The following ZNF407 variants were observed in gnomAD, a reference collection of about 807,000 sequenced individuals.
ZNF407 encodes the protein zinc finger protein 407.
ZNF407 carries 17 observed loss-of-function variants against 131.2 expected under a neutral mutation model. That is an observed-to-expected ratio of 0.13 (90% CI 0.09 to 0.19). ZNF407 has a LOEUF of 0.19. Ranked by LOEUF, ZNF407 falls within the 10% of genes least tolerant of loss-of-function variation. The probability of loss-of-function intolerance (pLI) is 1.00; values close to 1 mark genes in which losing one functional copy is unlikely to be tolerated. For missense variants in ZNF407, 2,681 were observed against 2,830.6 expected, an observed-to-expected ratio of 0.95 and a Z score of 1.20; for synonymous variants, 1,156 against 1,062.0, an observed-to-expected ratio of 1.09 and a Z score of -1.72.
Position 74,720,730 on chromosome 18 carries a change from T to G in ZNF407, c.4803-60698T>G, listed in dbSNP as rs183755412. On this transcript the variant is annotated intron_variant, in intron 3 of 8. Coordinates refer to ENST00000299687, the MANE Select transcript of ZNF407 (RefSeq NM_017757.3). ...TTCTTCTGCAAATGAATATCAGATA[T>G]GCAGTTTTGCCAGCATCGTCAATGA... Among the ~76,000 whole-genome samples, 655 of 152,252 alleles carry G rather than the reference T, an allele frequency of 4.3e-3. 3 individuals are homozygous for G. Among genetic ancestry groups the G allele is most frequent in the Non-Finnish European group, 5.3e-3 (360 of 68,014 alleles).
At chr18:74,791,486 G>A (rs1012521016) in intron 4 of ZNF407, among the ~76,000 whole-genome samples, 1 of 152,140 alleles carries the variant, frequency 6.6e-6, no homozygotes, top group African/African-American at 2.4e-5. Flanking sequence ...GCTGGTCAAG[G>A]TGAGATGAGA....
intron 8 of ZNF407, among the ~76,000 whole-genome samples, chr18:74,976,181 C>G (rs949881703): frequency 6.6e-6 from 1 of 152,176 alleles, no homozygotes; most frequent in African/African-American, 2.4e-5. Context: ...GTTGGATAGC[C>G]CCCTTGCAGT....
chr18:74,954,135 T>C lies in ZNF407; in HGVS notation c.5428+33443T>C, dbSNP rs147924924. ...AATATTTTATAACAAAATTTAATGC[T>C]TTCTAAAGGGAAAGAGGCCAGTTTC... On this transcript the variant is annotated intron_variant, in intron 8 of 8. Transcript: ENST00000299687. 2.5e-3 allele frequency among the ~76,000 whole-genome samples: 375 copies of C among 152,338 alleles called. 7 individuals carry two copies. The East Asian group carries it at 0.041, about 16-fold the overall frequency.
At chr18:74,628,879 C>T (rs963507685) in intron 1 of ZNF407, among the ~76,000 whole-genome samples, 13 of 152,084 alleles carry the variant, frequency 8.5e-5, no homozygotes, top group South Asian at 8.3e-4. Context: ...CGTGCCTGGC[C>T]GATACTTCAT....
At chr18:74,693,033 C>T (rs1429650377) in intron 3 of ZNF407, among the ~76,000 whole-genome samples, 1 of 152,246 alleles carries the variant, frequency 6.6e-6, no homozygotes, top group Non-Finnish European at 1.5e-5. Flanking sequence ...CAGCTGTTGA[C>T]TGAGTGCCCT....
chr18:74,990,593 A>G (rs2122136098), intron 8 of ZNF407, among the ~76,000 whole-genome samples: 1 of 152,334 alleles, frequency 6.6e-6, no homozygotes, highest in East Asian at 1.9e-4. Context: ...ATTCATACAC[A>G]ATGTAAAATG....
At chr18:74,784,909 G>A (rs1969675009) in intron 4 of ZNF407, among the ~76,000 whole-genome samples, 1 of 152,180 alleles carries the variant, frequency 6.6e-6, no homozygotes, top group Non-Finnish European at 1.5e-5. Flanking sequence ...GTCGTTCAGT[G>A]CTGGAAATCA....
At position 74,632,266 on chromosome 18, in the gene ZNF407, C is replaced by G. The variant is rs1984140651; in HGVS notation, c.1247C>G (p.Pro416Arg). The change falls in exon 2 of 9, where the codon CCT (proline) becomes CGT (arginine). Residue 416 changes from proline to arginine, a missense_variant. This residue lies in a region of ZNF407 where 1,789 missense variants were observed against 1,748.7 expected (regional missense o/e 1.02). Transcript: ENST00000299687. ...HGNSVTSRPR[P>R]ERNILVLGNS... ...AACAGTGTAACCTCGAGGCCAAGAC[C>G]TGAGCGAAATATTCTCGTGTTGGGT... 6.2e-7 allele frequency: 1 copy of G among 1,613,902 alleles called. No homozygotes were observed. The highest frequency in any genetic ancestry group is 1.1e-5 in the South Asian group (1 of 91,084).
chr18:74,886,044 C>T (rs1375637431), intron 6 of ZNF407, among the ~76,000 whole-genome samples: 3 of 152,086 alleles, frequency 2.0e-5, no homozygotes, highest in Non-Finnish European at 4.4e-5. Flanking sequence ...AGACAAATGA[C>T]AGAGAAAGTA....
rs74573494 is a variant in ZNF407 at position 74,838,754 on chromosome 18, C to A, written c.4878-38443C>A. 7.3e-3 allele frequency among the ~76,000 whole-genome samples: 1,113 copies of A among 152,262 alleles called. 15 individuals are homozygous for A. Among genetic ancestry groups the A allele is most frequent in the African/African-American group, 0.024 (1,012 of 41,532 alleles). ...TTGTTGGAATTCCTTACTCAGTGAA[C>A]CAAATGAGTATATGTTGGGCTATTT... On this transcript the variant is annotated intron_variant, in intron 4 of 8. Coordinates refer to ENST00000299687, the MANE Select transcript of ZNF407 (RefSeq NM_017757.3).
intron 4 of ZNF407, among the ~76,000 whole-genome samples, chr18:74,785,468 C>T (rs1019934936): frequency 6.6e-6 from 1 of 152,050 alleles, no homozygotes; most frequent in African/African-American, 2.4e-5. Flanking sequence ...AAATCTTTAC[C>T]CCACCTAATG....
At chr18:74,978,932 G>C (rs895146483) in intron 8 of ZNF407, among the ~76,000 whole-genome samples, 1 of 152,138 alleles carries the variant, frequency 6.6e-6, no homozygotes, top group Non-Finnish European at 1.5e-5. Context: ...AGGAACCATC[G>C]GGAGAGGCGT....
intron 7 of ZNF407, among the ~76,000 whole-genome samples, chr18:74,904,576 C>A (rs766558663): frequency 7.2e-5 from 11 of 152,184 alleles, no homozygotes; most frequent in Admixed American, 4.6e-4. Flanking sequence ...ATTTGGGTTT[C>A]TGAATGAAAA....
At chr18:74,887,991 C>T (rs1599222395) in intron 6 of ZNF407, among the ~76,000 whole-genome samples, 1 of 152,066 alleles carries the variant, frequency 6.6e-6, no homozygotes, top group African/African-American at 2.4e-5. Flanking sequence ...GAATGTAGGG[C>T]GAACTTCTAA....
At chr18:74,938,380 A>G (rs1181029648) in intron 8 of ZNF407, among the ~76,000 whole-genome samples, 1 of 152,200 alleles carries the variant, frequency 6.6e-6, no homozygotes, top group Non-Finnish European at 1.5e-5. Context: ...ATTTCCAGGT[A>G]GTATTTATTA....
chr18:74,775,960 A>G (rs1276627173), intron 3 of ZNF407, among the ~76,000 whole-genome samples: 2 of 152,234 alleles, frequency 1.3e-5, no homozygotes, highest in Non-Finnish European at 2.9e-5. Flanking sequence ...TGCTCGTTAG[A>G]AATCTGCCTC....
chr18:74,766,239 C>T (rs1969229301), intron 3 of ZNF407, among the ~76,000 whole-genome samples: 2 of 152,140 alleles, frequency 1.3e-5, no homozygotes, highest in Non-Finnish European at 2.9e-5. Context: ...AGGGATGTGA[C>T]ATGAGGGAGA....
intron 5 of ZNF407, among the ~76,000 whole-genome samples, chr18:74,878,084 C>A (rs1971184621): frequency 6.6e-6 from 1 of 152,108 alleles, no homozygotes; most frequent in Non-Finnish European, 1.5e-5. Flanking sequence ...CTCAGTTGGG[C>A]CCTTGTAAAT....
chr18:74,872,001 C>G (rs997054525), intron 4 of ZNF407, among the ~76,000 whole-genome samples: 1 of 151,992 alleles, frequency 6.6e-6, no homozygotes, highest in Non-Finnish European at 1.5e-5. Flanking sequence ...TCCTGAGTAG[C>G]TGGGACTACA....
Sources: allele counts gnomAD v4.1 joint callset (sites outside exome capture counted in the v4.1 genomes callset), GRCh38; gene constraint gnomAD v4.1.1; regional missense constraint gnomAD v4.1.1; transcripts MANE v1.5; gene names NCBI Gene and HGNC (gene_info 2026-07-23, HGNC 2026-07-21).